The following CNTN5 variants were observed in gnomAD, a reference collection of about 807,000 sequenced individuals.
CNTN5 encodes the protein contactin 5, also known as contactin-5.
CNTN5 carries 77 observed loss-of-function variants against 129.1 expected under a neutral mutation model. That is an observed-to-expected ratio of 0.60 (90% CI 0.50 to 0.72). The LOEUF (loss-of-function observed/expected upper bound fraction) is 0.72, where lower values mean the gene tolerates loss of function less well. Ranked by LOEUF, CNTN5 falls within the 30% of genes least tolerant of loss-of-function variation. The pLI, the probability that CNTN5 is intolerant of heterozygous loss-of-function variation, is 0.00. For synonymous variants in CNTN5, 509 were observed against 465.6 expected, an observed-to-expected ratio of 1.09 and a Z score of -1.20; for missense variants, 1,478 against 1,328.8, an observed-to-expected ratio of 1.11 and a Z score of -1.75.
At chr11:99,873,464 C>T (rs949133200) in intron 6 of CNTN5, among the ~76,000 whole-genome samples, 1 of 152,044 alleles carries the variant, frequency 6.6e-6, no homozygotes, top group Non-Finnish European at 1.5e-5. Context: ...TAATAAAATT[C>T]TCAATATCAC....
intron 2 of CNTN5, among the ~76,000 whole-genome samples, chr11:99,326,936 AAAT>A (rs984913221): frequency 2.6e-5 from 4 of 152,114 alleles, no homozygotes; most frequent in East Asian, 1.9e-4. Flanking sequence ...TACATACACA[AAAT>A]AATAATAATA....
At chr11:100,246,644 A>G (rs1221232976) in intron 16 of CNTN5, among the ~76,000 whole-genome samples, 1 of 152,126 alleles carries the variant, frequency 6.6e-6, no homozygotes, top group Non-Finnish European at 1.5e-5. Flanking sequence ...TGGATATCTA[A>G]TTAGTAACAT....
At chr11:100,173,149 C>A (rs1175907637) in intron 13 of CNTN5, among the ~76,000 whole-genome samples, 1 of 152,130 alleles carries the variant, frequency 6.6e-6, no homozygotes, top group African/African-American at 2.4e-5. Flanking sequence ...TTGCTAGCTG[C>A]ACCAGCTCTG....
chr11:99,042,058 GTC>G (rs1042035988), intron 1 of CNTN5, among the ~76,000 whole-genome samples: 7 of 151,954 alleles, frequency 4.6e-5, no homozygotes, highest in African/African-American at 1.7e-4. Flanking sequence ...TCAAATTTGT[GTC>G]TCTCATTATT....
At chr11:99,631,706 AC>A (rs1951357909) in intron 3 of CNTN5, among the ~76,000 whole-genome samples, 1 of 102,028 alleles carries the variant, frequency 9.8e-6, no homozygotes, top group South Asian at 2.9e-4. Flanking sequence ...CATTGGGAAA[AC>A]ACACACAAAG....
At chr11:99,930,043 T>G (rs747373598) in intron 7 of CNTN5, among the ~76,000 whole-genome samples, 1 of 152,152 alleles carries the variant, frequency 6.6e-6, no homozygotes, top group Non-Finnish European at 1.5e-5. Flanking sequence ...TATCCTGGTC[T>G]TTTCCCCTTG....
At chr11:99,617,429 G>A (rs938472304) in intron 3 of CNTN5, among the ~76,000 whole-genome samples, 1 of 152,130 alleles carries the variant, frequency 6.6e-6, no homozygotes, top group Non-Finnish European at 1.5e-5. Context: ...AGACACAATG[G>A]AGGTGATTTA....
intron 1 of CNTN5, among the ~76,000 whole-genome samples, chr11:99,142,152 T>C (rs556459366): frequency 4.5e-4 from 68 of 152,232 alleles, no homozygotes; most frequent in African/African-American, 1.5e-3. Context: ...ACACCTTTGT[T>C]CTCTGGCTTC....
intron 2 of CNTN5, among the ~76,000 whole-genome samples, chr11:99,438,319 C>T (rs932822895): frequency 5.3e-5 from 8 of 152,122 alleles, no homozygotes; most frequent in Non-Finnish European, 1.2e-4. Flanking sequence ...CTATAAGGAA[C>T]TATTCGTCTT....
At chr11:99,053,106 T>A (rs189068010) in intron 1 of CNTN5, among the ~76,000 whole-genome samples, 23 of 152,022 alleles carry the variant, frequency 1.5e-4, no homozygotes, top group Admixed American at 1.1e-3. Flanking sequence ...TCTTTCTATT[T>A]GTGTGACAAA....
intron 3 of CNTN5, among the ~76,000 whole-genome samples, chr11:99,787,642 G>A (rs918912623): frequency 1.3e-5 from 2 of 151,806 alleles, no homozygotes; most frequent in Non-Finnish European, 2.9e-5. Context: ...TTTACAATTG[G>A]ATATTTCCAA....
intron 7 of CNTN5, among the ~76,000 whole-genome samples, chr11:99,939,280 G>A (rs190882267): frequency 8.5e-4 from 129 of 151,904 alleles, no homozygotes; most frequent in African/African-American, 2.8e-3. Flanking sequence ...ATAAATTTGC[G>A]TTTTTCCCAT....
chr11:99,472,713 G>A (rs1945222783), intron 2 of CNTN5, among the ~76,000 whole-genome samples: 1 of 151,976 alleles, frequency 6.6e-6, no homozygotes, highest in Non-Finnish European at 1.5e-5. Flanking sequence ...CGGTTGCCCA[G>A]GCTGAAGTGC....
intron 3 of CNTN5, among the ~76,000 whole-genome samples, chr11:99,760,938 GAAA>G (rs1011082722): frequency 2.0e-5 from 3 of 151,872 alleles, no homozygotes; most frequent in African/African-American, 7.2e-5. Flanking sequence ...ATTTTCAAAA[GAAA>G]AAAACGTTTT....
At chr11:99,166,907 G>A (rs1022254244) in intron 1 of CNTN5, among the ~76,000 whole-genome samples, 5 of 151,900 alleles carry the variant, frequency 3.3e-5, no homozygotes, top group African/African-American at 1.2e-4. Flanking sequence ...CAGCCTTAAT[G>A]ATTTTAAAAT....
At chr11:99,172,493 T>C (rs1418749494) in intron 1 of CNTN5, among the ~76,000 whole-genome samples, 1 of 152,194 alleles carries the variant, frequency 6.6e-6, no homozygotes, top group Non-Finnish European at 1.5e-5. Context: ...AATAATGAAA[T>C]GAGCACCAAA....
chr11:100,108,472 A>G (rs1945532345), intron 13 of CNTN5, among the ~76,000 whole-genome samples: 1 of 152,152 alleles, frequency 6.6e-6, no homozygotes, highest in African/African-American at 2.4e-5. Context: ...TTCAGCACAA[A>G]GCTTCAATAA....
chr11:99,484,182 TAAAAAC>T (rs1945714647), intron 2 of CNTN5, among the ~76,000 whole-genome samples: 1 of 149,894 alleles, frequency 6.7e-6, no homozygotes, highest in Non-Finnish European at 1.5e-5. Flanking sequence ...AAGCAAAAAA[TAAAAAC>T]AAAAAAACAC....
At chr11:99,635,743 G>A (rs1209642820) in intron 3 of CNTN5, among the ~76,000 whole-genome samples, 2 of 152,022 alleles carry the variant, frequency 1.3e-5, no homozygotes, top group Non-Finnish European at 2.9e-5. Context: ...CTCATGGTAG[G>A]TAAATAAATT....
Sources: gnomAD v4.1 joint callset for allele counts (sites outside exome capture counted in the v4.1 genomes callset) on GRCh38, gnomAD v4.1.1 for gene constraint, MANE v1.5 for transcripts, NCBI Gene and HGNC (gene_info 2026-07-23, HGNC 2026-07-21) for gene names.